The following DMD variants were observed in gnomAD, a reference collection of about 807,000 sequenced individuals.
DMD encodes dystrophin.
Under a neutral mutation model 330.1 loss-of-function variants are expected in DMD, and 63 were observed. That is an observed-to-expected ratio of 0.19 (90% CI 0.16 to 0.24). The LOEUF is 0.24. Ranked by LOEUF, DMD falls within the 10% of genes least tolerant of loss-of-function variation. The pLI is 1.00. For missense variants in DMD, 3,344 were observed against 2,684.1 expected, an observed-to-expected ratio of 1.25 and a Z score of -5.43; for synonymous variants, 1,223 against 959.8, an observed-to-expected ratio of 1.27 and a Z score of -5.07.
chrX:32,261,331 G>A (rs2097322627), intron 43 of DMD, among the ~76,000 whole-genome samples: 1 of 111,690 alleles, frequency 9.0e-6, no homozygotes, highest in African/African-American at 3.3e-5. Context: ...CTCTTACAAG[G>A]TATCTACTGA....
At chrX:32,004,468 T>C (rs1460214906) in intron 44 of DMD, among the ~76,000 whole-genome samples, 1 of 111,773 alleles carries the variant, frequency 8.9e-6, no homozygotes, top group African/African-American at 3.2e-5. Context: ...AGATTGAATC[T>C]GCTGTTTTAT....
At chrX:33,239,844 CT>C (rs1300247620) in intron 1 of DMD, among the ~76,000 whole-genome samples, 3 of 111,085 alleles carry the variant, frequency 2.7e-5, no homozygotes, top group Non-Finnish European at 5.7e-5. Context: ...AAATCTGAAA[CT>C]TTTTGAGCAC....
intron 9 of DMD, among the ~76,000 whole-genome samples, chrX:32,649,224 T>C (rs1367624259): frequency 9.1e-6 from 1 of 109,934 alleles, no homozygotes; most frequent in Non-Finnish European, 1.9e-5. Flanking sequence ...GTATTAGATA[T>C]TGTCACCTAT....
rs1016891160 is a variant in DMD at position 32,545,066 on chromosome X, G to C, written c.2168+93C>G. On this transcript the variant is annotated intron_variant, in intron 17 of 78. Coordinates refer to ENST00000357033, the MANE Select transcript of DMD (RefSeq NM_004006.3). Reference sequence around the variant, plus strand: ...ACATTACAGGTACCCGAGGATTCTGGAAATATTGCTGAAGTGAAAACACCA... The same window carrying C: ...ACATTACAGGTACCCGAGGATTCTGCAAATATTGCTGAAGTGAAAACACCA... 15 of 898,790 alleles carry C rather than the reference G, an allele frequency of 1.7e-5. No individual in the cohort carries two copies. The Admixed American group carries it at 3.6e-4, about 22-fold the overall frequency. The allele number at this position is 898,790 out of a possible 1,213,427, so 74.1% of individuals were successfully genotyped here.
chrX:31,998,537 G>A (rs1395402876), intron 44 of DMD, among the ~76,000 whole-genome samples: 1 of 111,539 alleles, frequency 9.0e-6, no homozygotes, highest in African/African-American at 3.2e-5. Context: ...AAGGATGGGA[G>A]TACATAATAG....
intron 2 of DMD, among the ~76,000 whole-genome samples, chrX:32,981,710 A>C (rs2092711751): frequency 9.0e-6 from 1 of 111,658 alleles, no homozygotes; most frequent in Non-Finnish European, 1.9e-5. Context: ...AAGAGCTATA[A>C]AATGTGATAG....
At chrX:32,652,283 C>G (rs751322380) in intron 9 of DMD, among the ~76,000 whole-genome samples, 26 of 64,774 alleles carry the variant, frequency 4.0e-4, no homozygotes, top group African/African-American at 1.6e-3. Flanking sequence ...CTATCCCTCC[C>G]CCCTCCCCCC....
chrX:33,023,054 C>A (rs1038067481), intron 1 of DMD, among the ~76,000 whole-genome samples: 2 of 111,407 alleles, frequency 1.8e-5, no homozygotes, highest in African/African-American at 3.3e-5. Context: ...AATAATAATG[C>A]TTTTACATTT....
chrX:32,594,798 C>T (rs868296803), intron 13 of DMD, among the ~76,000 whole-genome samples: 12 of 111,645 alleles, frequency 1.1e-4, no homozygotes, highest in African/African-American at 3.6e-4. Context: ...TGCAAAGAAC[C>T]TAAGAATCAT....
intron 41 of DMD, among the ~76,000 whole-genome samples, chrX:32,339,262 CCA>C (rs2097729885): frequency 8.9e-6 from 1 of 111,765 alleles, no homozygotes; most frequent in Admixed American, 9.5e-5. Flanking sequence ...TTTTACTAGA[CCA>C]CACTGCTGTG....
intron 44 of DMD, among the ~76,000 whole-genome samples, chrX:32,089,085 C>T (rs1196764001): frequency 2.7e-5 from 3 of 111,054 alleles, no homozygotes; most frequent in East Asian, 2.8e-4. Flanking sequence ...TAGTAAAATC[C>T]GCTCCTTTTG....
At chrX:33,041,601 C>A (rs2094303092) in intron 1 of DMD, 10 of 1,207,896 alleles carry the variant, frequency 8.3e-6, no homozygotes, top group African/African-American at 3.5e-5. Context: ...ATTGCCAGCG[C>A]AGGTTGGAAG....
At chrX:31,272,834 TTTA>T (rs1177084929) in intron 62 of DMD, among the ~76,000 whole-genome samples, 5 of 112,440 alleles carry the variant, frequency 4.4e-5, no homozygotes, top group Admixed American at 1.9e-4. Flanking sequence ...TTTATCAGAC[TTTA>T]TTGTTTTCTT....
At chrX:31,937,846 T>C (rs2094943413) in intron 45 of DMD, among the ~76,000 whole-genome samples, 1 of 112,132 alleles carries the variant, frequency 8.9e-6, no homozygotes, top group Non-Finnish European at 1.9e-5. Flanking sequence ...ATATTTAACA[T>C]TACCCATCTG....
rs752844541 is a variant in DMD at position 32,381,261 on chromosome X, C to T, written c.4675-581G>A. Among the ~76,000 whole-genome samples the T allele has an allele frequency of 8.1e-5, 9 of 111,468 alleles. 1 individual carries two copies. In the South Asian group the frequency reaches 2.2e-3, roughly 28 times the overall value. ...CACTTCCTCCTTAAACATAATTTTGCCATCCAATAGGGACAAAAAGATGAA... is the reference window on the plus strand; with the variant it reads ...CACTTCCTCCTTAAACATAATTTTGTCATCCAATAGGGACAAAAAGATGAA... On this transcript the variant is annotated intron_variant, in intron 33 of 78. Coordinates refer to ENST00000357033, the MANE Select transcript of DMD (RefSeq NM_004006.3).
intron 1 of DMD, among the ~76,000 whole-genome samples, chrX:33,021,849 G>A (rs1383056958): frequency 9.0e-6 from 1 of 111,540 alleles, no homozygotes; most frequent in African/African-American, 3.2e-5. Flanking sequence ...CAATATGGAA[G>A]TATTTCCTTT....
intron 7 of DMD, among the ~76,000 whole-genome samples, chrX:32,751,064 A>G (rs1438280824): frequency 9.0e-6 from 1 of 111,662 alleles, no homozygotes; most frequent in African/African-American, 3.3e-5. Context: ...TGTATAAATT[A>G]TCCATTCTCT....
intron 17 of DMD, among the ~76,000 whole-genome samples, chrX:32,543,648 C>T (rs1411569958): frequency 8.9e-6 from 1 of 112,054 alleles, no homozygotes; most frequent in Non-Finnish European, 1.9e-5. Context: ...AAAAGCTTCA[C>T]GGATTTGTGC....
chrX:32,728,778 G>C (rs906337456), intron 7 of DMD, among the ~76,000 whole-genome samples: 2 of 111,826 alleles, frequency 1.8e-5, no homozygotes, highest in African/African-American at 6.5e-5. Flanking sequence ...AGAACTTCCT[G>C]TTGGATTTAT....
Sources: gnomAD v4.1 joint callset for allele counts (sites outside exome capture counted in the v4.1 genomes callset) on GRCh38, gnomAD v4.1.1 for gene constraint, MANE v1.5 for transcripts, NCBI Gene and HGNC (gene_info 2026-07-23, HGNC 2026-07-21) for gene names.